Variants in OSBPL10 observed in about 807,000 individuals in gnomAD.
OSBPL10 encodes the protein oxysterol binding protein like 10.
Under a neutral mutation model 81.7 loss-of-function variants are expected in OSBPL10, and 49 were observed. The observed-to-expected ratio is 0.60, with a 90% CI of 0.48 to 0.76. OSBPL10 has a LOEUF of 0.76. Ranked by LOEUF, OSBPL10 falls within the 30% of genes least tolerant of loss-of-function variation. OSBPL10 has a pLI of 0.00. For synonymous variants in OSBPL10, 419 were observed against 383.6 expected, an observed-to-expected ratio of 1.09 and a Z score of -1.08; for missense variants, 923 against 987.8, an observed-to-expected ratio of 0.93 and a Z score of 0.88.
At chr3:31,891,188 G>A (rs1329365029) in intron 1 of OSBPL10, among the ~76,000 whole-genome samples, 1 of 152,164 alleles carries the variant, frequency 6.6e-6, no homozygotes, top group Admixed American at 6.5e-5. Context: ...GTGTGATTCG[G>A]CAGTCAGAGA....
At chr3:31,716,697 T>G (rs1449269589) in intron 6 of OSBPL10, among the ~76,000 whole-genome samples, 3 of 152,200 alleles carry the variant, frequency 2.0e-5, no homozygotes, top group Non-Finnish European at 4.4e-5. Context: ...CACAGACATA[T>G]GGACAACTTT....
intron 4 of OSBPL10, among the ~76,000 whole-genome samples, chr3:31,819,451 G>A (rs961728965): frequency 2.6e-5 from 4 of 152,194 alleles, no homozygotes; most frequent in East Asian, 3.8e-4. Context: ...AACTGAGGTC[G>A]CTGCTCTTTC....
At chr3:31,903,935 A>G (rs1339651802) in intron 1 of OSBPL10, among the ~76,000 whole-genome samples, 1 of 152,148 alleles carries the variant, frequency 6.6e-6, no homozygotes, top group Non-Finnish European at 1.5e-5. Flanking sequence ...TTTCTACTAA[A>G]TCCAGTGAAC....
At chr3:31,984,835 G>A (rs950946987), upstream of OSBPL10, among the ~76,000 whole-genome samples, 16 of 152,210 alleles carry the variant, frequency 1.1e-4, no homozygotes, top group Admixed American at 4.6e-4. Context: ...GCTGTGGCCT[G>A]TGCCCGGGAA....
Position 31,787,385 on chromosome 3 carries a change from A to G in OSBPL10, c.730-39265T>C, listed in dbSNP as rs148798458. Among the ~76,000 whole-genome samples, 1,363 of 152,272 alleles carry G rather than the reference A, an allele frequency of 9.0e-3. 9 individuals are homozygous for G. Among genetic ancestry groups the G allele is most frequent in the Middle Eastern group, 0.017 (5 of 294 alleles). On this transcript the variant is annotated intron_variant, in intron 4 of 11. Transcript: ENST00000396556. ...CAAGGCGGGCAGATCACCTGAGGTC[A>G]GGAGTTCCAGACCAGCCTGGCCAAT...
At chr3:31,666,896 G>GCAAAATCA (rs1430926298) in intron 10 of OSBPL10, among the ~76,000 whole-genome samples, 1 of 152,066 alleles carries the variant, frequency 6.6e-6, no homozygotes, top group African/African-American at 2.4e-5. Flanking sequence ...ACTAAAGAAA[G>GCAAAATCA]CAAAATCACA....
chr3:31,743,983 C>A (rs140087523), intron 5 of OSBPL10, among the ~76,000 whole-genome samples: 1 of 152,296 alleles, frequency 6.6e-6, no homozygotes, highest in Non-Finnish European at 1.5e-5. Flanking sequence ...TTCTCTTATC[C>A]CACCAGCTTG....
intron 1 of OSBPL10, among the ~76,000 whole-genome samples, chr3:31,892,999 T>C (rs1374114802): frequency 6.6e-6 from 1 of 151,984 alleles, no homozygotes; most frequent in African/African-American, 2.4e-5. Flanking sequence ...ACATCCTTGG[T>C]CAACAGAGCC....
chr3:31,805,126 G>A (rs564025092), intron 4 of OSBPL10, among the ~76,000 whole-genome samples: 6 of 152,294 alleles, frequency 3.9e-5, no homozygotes, highest in African/African-American at 1.2e-4. Context: ...GAACTGGTAT[G>A]AGTTTGCAGT....
At chr3:31,952,304 T>C (rs2125446758) in intron 1 of OSBPL10, among the ~76,000 whole-genome samples, 1 of 151,804 alleles carries the variant, frequency 6.6e-6, no homozygotes, top group Middle Eastern at 3.4e-3. Flanking sequence ...CAGGTTCTTT[T>C]CTTGTTTTCA....
chr3:31,881,535 A>C (rs1186419603), intron 1 of OSBPL10, among the ~76,000 whole-genome samples: 1 of 152,058 alleles, frequency 6.6e-6, no homozygotes, highest in African/African-American at 2.4e-5. Flanking sequence ...CTACGATTTA[A>C]AAAAAAACAT....
chr3:31,841,292 C>T (rs187484960), intron 3 of OSBPL10, among the ~76,000 whole-genome samples: 8 of 152,364 alleles, frequency 5.3e-5, no homozygotes, highest in Admixed American at 4.6e-4. Context: ...CTTGAGTAAA[C>T]AGAGCCAACA....
At chr3:31,778,408 T>G (rs1420523859) in intron 4 of OSBPL10, among the ~76,000 whole-genome samples, 1 of 152,184 alleles carries the variant, frequency 6.6e-6, no homozygotes, top group Non-Finnish European at 1.5e-5. Flanking sequence ...CACCTGATGG[T>G]GTTTCTCTGA....
chr3:31,673,962 A>G (rs1700390711), intron 8 of OSBPL10, among the ~76,000 whole-genome samples: 1 of 151,968 alleles, frequency 6.6e-6, no homozygotes. Flanking sequence ...AAAAAAAATT[A>G]TTTATAGAGA....
At chr3:31,888,300 T>C (rs900854562) in intron 1 of OSBPL10, among the ~76,000 whole-genome samples, 8 of 152,186 alleles carry the variant, frequency 5.3e-5, no homozygotes, top group Non-Finnish European at 7.3e-5. Flanking sequence ...TCTCTTATCC[T>C]ATACAAAAAT....
chr3:31,871,788 C>G (rs1701332670), intron 3 of OSBPL10, among the ~76,000 whole-genome samples: 1 of 152,172 alleles, frequency 6.6e-6, no homozygotes, highest in Middle Eastern at 3.2e-3. Flanking sequence ...GATTGAGAGC[C>G]TGGGAGGTCA....
At chr3:31,731,911 G>GTCAGA (rs145101302) in intron 6 of OSBPL10, among the ~76,000 whole-genome samples, 2,538 of 152,248 alleles carry the variant, frequency 0.017, 59 homozygotes, top group African/African-American at 0.058. Flanking sequence ...AACCTTGGGG[G>GTCAGA]TCAGAGGGAA....
chr3:32,036,108 C>T, intron 2 of OSBPL10, among the ~76,000 whole-genome samples: 1 of 152,178 alleles, frequency 6.6e-6, no homozygotes, highest in East Asian at 1.9e-4. Context: ...GGTGCAGTGG[C>T]ACATTCCTAG....
chr3:31,931,152 G>A (rs1392374539), intron 1 of OSBPL10, among the ~76,000 whole-genome samples: 1 of 151,756 alleles, frequency 6.6e-6, no homozygotes, highest in Non-Finnish European at 1.5e-5. Flanking sequence ...GAGGGAGACC[G>A]AGAGACAGAA....
Sources: gnomAD v4.1 joint callset for allele counts (sites outside exome capture counted in the v4.1 genomes callset) on GRCh38, gnomAD v4.1.1 for gene constraint, MANE v1.5 for transcripts, NCBI Gene and HGNC (gene_info 2026-07-23, HGNC 2026-07-21) for gene names.